The following ARID1B variants were observed in gnomAD, a reference collection of about 807,000 sequenced individuals.
ARID1B encodes the protein AT-rich interaction domain 1B, also known as AT-rich interactive domain-containing protein 1B.
ARID1B carries 30 observed loss-of-function variants against 212.3 expected under a neutral mutation model. The observed-to-expected ratio is 0.14, with a 90% CI of 0.11 to 0.19. The LOEUF is 0.19. ARID1B is among the 10% of genes least tolerant of loss of function. The pLI, the probability that ARID1B is intolerant of heterozygous loss-of-function variation, is 1.00. For missense variants in ARID1B, 2,891 were observed against 3,204.0 expected, an observed-to-expected ratio of 0.90 and a Z score of 2.36; for synonymous variants, 1,402 against 1,301.7, an observed-to-expected ratio of 1.08 and a Z score of -1.66.
chr6:157,008,749 C>T lies in ARID1B; in HGVS notation c.2247+73173C>T, dbSNP rs552093894. On this transcript the variant is annotated intron_variant, in intron 4 of 19. Transcript: ENST00000636930. ...TAGAAGAGACCTCTGGGTACGGGAT[C>T]GGCGGGGGAGGGGGGCGGCGCTCAG... Among the ~76,000 whole-genome samples the T allele has an allele frequency of 1.5e-4, 23 of 151,994 alleles. No individual in the cohort carries two copies. In the South Asian group the frequency reaches 2.3e-3, roughly 15 times the overall value.
At chr6:156,808,445 G>A (rs948661144) in intron 1 of ARID1B, among the ~76,000 whole-genome samples, 20 of 152,230 alleles carry the variant, frequency 1.3e-4, no homozygotes, top group African/African-American at 4.1e-4. Flanking sequence ...AGCCTATCAC[G>A]TGGTGCTCTT....
intron 4 of ARID1B, among the ~76,000 whole-genome samples, chr6:157,024,962 T>A (rs911627869): frequency 1.1e-4 from 17 of 152,364 alleles, no homozygotes; most frequent in South Asian, 2.1e-4. Context: ...ATAATTTTCA[T>A]GACTGCGCTT....
intron 7 of ARID1B, among the ~76,000 whole-genome samples, chr6:157,147,347 T>C (rs71549197): frequency 2.6e-4 from 5 of 18,946 alleles, no homozygotes; most frequent in South Asian, 2.4e-3. Context: ...CCTCCGTCCC[T>C]CACCCCCGCC....
In ARID1B at chr6:156,953,324, A is replaced by G. The variant is rs182205387; in HGVS notation, c.2247+17748A>G. On this transcript the variant is annotated intron_variant, in intron 4 of 19. Coordinates refer to ENST00000636930, the MANE Select transcript of ARID1B (RefSeq NM_001374828.1). ...CTTAAAACGGTTTTTGACAAACGCCAGAGTTTCACAAATATAGAAGTAGCA... is the reference window on the plus strand; with the variant it reads ...CTTAAAACGGTTTTTGACAAACGCCGGAGTTTCACAAATATAGAAGTAGCA... Among the ~76,000 whole-genome samples the G allele has an allele frequency of 5.6e-3, 850 of 152,352 alleles. 7 individuals are homozygous for G. The highest frequency in any genetic ancestry group is 0.02 in the Middle Eastern group (6 of 294).
chr6:157,043,177 A>G (rs1053121369), intron 4 of ARID1B, among the ~76,000 whole-genome samples: 4 of 152,238 alleles, frequency 2.6e-5, no homozygotes, highest in Admixed American at 2.6e-4. Context: ...CCAACCCCCA[A>G]CTAACAGAGT....
intron 4 of ARID1B, among the ~76,000 whole-genome samples, chr6:157,044,297 C>T (rs1388550669): frequency 6.6e-6 from 1 of 151,988 alleles, no homozygotes; most frequent in Non-Finnish European, 1.5e-5. Context: ...GTATTTTCAA[C>T]TGTGGAAAAT....
At chr6:157,113,549 C>T (rs971807837) in intron 6 of ARID1B, among the ~76,000 whole-genome samples, 10 of 152,120 alleles carry the variant, frequency 6.6e-5, no homozygotes, top group African/African-American at 2.4e-4. Context: ...AGGGGAGGTG[C>T]TACAAACTTT....
At chr6:156,851,495 T>C (rs984877322) in intron 2 of ARID1B, among the ~76,000 whole-genome samples, 1 of 152,228 alleles carries the variant, frequency 6.6e-6, no homozygotes, top group African/African-American at 2.4e-5. Context: ...GGATCTAGGT[T>C]ATTACAGGGT....
intron 1 of ARID1B, among the ~76,000 whole-genome samples, chr6:156,804,585 G>A (rs927977037): frequency 1.3e-5 from 2 of 152,080 alleles, no homozygotes; most frequent in African/African-American, 4.8e-5. Flanking sequence ...GGGAGAGAAT[G>A]AGTGCCCAGC....
At chr6:157,046,001 CTT>C (rs536030033) in intron 4 of ARID1B, among the ~76,000 whole-genome samples, 145 of 152,274 alleles carry the variant, frequency 9.5e-4, no homozygotes, top group African/African-American at 3.4e-3. Flanking sequence ...GAGCTCTTCT[CTT>C]CTTTTGTTAG....
At chr6:156,924,796 T>C (rs1791090126) in intron 3 of ARID1B, among the ~76,000 whole-genome samples, 1 of 152,112 alleles carries the variant, frequency 6.6e-6, no homozygotes, top group African/African-American at 2.4e-5. Flanking sequence ...TTTTTAAAAA[T>C]TATTAGATAC....
At chr6:157,141,562 T>C (rs1789356769) in intron 7 of ARID1B, among the ~76,000 whole-genome samples, 1 of 152,216 alleles carries the variant, frequency 6.6e-6, no homozygotes, top group African/African-American at 2.4e-5. Flanking sequence ...TTTCTCTGGC[T>C]GAAAGAGCAG....
chr6:156,931,845 C>T (rs762494377), intron 3 of ARID1B, among the ~76,000 whole-genome samples: 15 of 151,532 alleles, frequency 9.9e-5, no homozygotes, highest in Non-Finnish European at 1.6e-4. Flanking sequence ...GCCTGTAATC[C>T]CAGCTACTCG....
intron 2 of ARID1B, among the ~76,000 whole-genome samples, chr6:156,881,401 A>G (rs1279731347): frequency 1.3e-5 from 2 of 152,246 alleles, no homozygotes; most frequent in African/African-American, 4.8e-5. Flanking sequence ...AAAGCTTTGG[A>G]AAATAGACTC....
intron 4 of ARID1B, among the ~76,000 whole-genome samples, chr6:156,954,685 G>T (rs1793832786): frequency 6.6e-6 from 1 of 151,704 alleles, no homozygotes; most frequent in African/African-American, 2.4e-5. Context: ...TTTAAATCCT[G>T]GTTCTACTTC....
intron 2 of ARID1B, among the ~76,000 whole-genome samples, chr6:156,830,318 G>A (rs556887157): frequency 1.3e-5 from 2 of 152,254 alleles, no homozygotes; most frequent in South Asian, 4.1e-4. Context: ...AGGCTGGGGC[G>A]TCCCATGGTG....
At chr6:156,815,282 A>C (rs1781886184) in intron 1 of ARID1B, among the ~76,000 whole-genome samples, 1 of 152,060 alleles carries the variant, frequency 6.6e-6, no homozygotes, top group African/African-American at 2.4e-5. Flanking sequence ...TCTACTGTTG[A>C]GTTTGTCCAT....
chr6:157,026,153 G>A (rs951270231), intron 4 of ARID1B, among the ~76,000 whole-genome samples: 8 of 152,132 alleles, frequency 5.3e-5, no homozygotes, highest in South Asian at 2.1e-4. Flanking sequence ...TCAAACTCCC[G>A]ACCTCAGGCG....
intron 4 of ARID1B, among the ~76,000 whole-genome samples, chr6:157,028,265 AC>A (rs1780789547): frequency 6.6e-6 from 1 of 152,240 alleles, no homozygotes; most frequent in Admixed American, 6.5e-5. Context: ...CTGCCTGGAC[AC>A]CCATCATTTT....
Sources: gnomAD v4.1 joint callset for allele counts (sites outside exome capture counted in the v4.1 genomes callset) on GRCh38, gnomAD v4.1.1 for gene constraint, MANE v1.5 for transcripts, NCBI Gene and HGNC (gene_info 2026-07-23, HGNC 2026-07-21) for gene names.